Variants in DELE1 observed in about 807,000 individuals in gnomAD.
The protein encoded by DELE1 is death ligand signal enhancer.
Under a neutral mutation model 59.3 loss-of-function variants are expected in DELE1, and 54 were observed. The ratio of observed to expected loss-of-function variants is 0.91; its 90% CI spans 0.73 to 1.14. The LOEUF (loss-of-function observed/expected upper bound fraction) is 1.14, where lower values mean the gene tolerates loss of function less well. Among genes scored for constraint, DELE1 ranks in the 50% most tolerant of loss-of-function variants. The pLI is 0.00. For missense variants in DELE1, 636 were observed against 643.9 expected, an observed-to-expected ratio of 0.99 and a Z score of 0.13; for synonymous variants, 264 against 259.1, an observed-to-expected ratio of 1.02 and a Z score of -0.18.
At position 141,929,614 on chromosome 5, in the gene DELE1, G is replaced by A; in HGVS notation, c.445G>A (p.Gly149Ser). 1.2e-6 allele frequency: 2 copies of A among 1,614,078 alleles called. No homozygotes were observed. Among genetic ancestry groups the A allele is most frequent in the Non-Finnish European group, 1.7e-6 (2 of 1,180,032 alleles). The change falls in exon 5 of 12, where the codon GGC becomes AGC. Residue 149 changes from glycine to serine, a missense_variant. Coordinates refer to ENST00000432126, the MANE Select transcript of DELE1 (RefSeq NM_014773.5). ...LRQHILPSPD[G>S]PAPRHTGLRE... ...ACAACACATCCTCCCCAGCCCCGAT[G>A]GCCCAGCTCCCAGGCACACTGGCCT...
Position 141,940,711 on chromosome 5 carries a change from C to T in DELE1, c.*1952C>T. On this transcript the variant is annotated 3_prime_UTR_variant, in exon 12 of 12. Coordinates refer to ENST00000432126, the MANE Select transcript of DELE1 (RefSeq NM_014773.5). Reference sequence around the variant, plus strand: ...CACCACTGTTGGACCCTGCACATGGCCACCTTCCACAGATGGCACTCCTTG... The same window carrying T: ...CACCACTGTTGGACCCTGCACATGGTCACCTTCCACAGATGGCACTCCTTG... 1 of 972,870 alleles carries T rather than the reference C, an allele frequency of 1.0e-6. No individual in the cohort carries two copies. Among genetic ancestry groups the T allele is most frequent in the Non-Finnish European group, 1.2e-6 (1 of 818,442 alleles). 60.3% of individuals were successfully genotyped at this position (972,870 alleles called of 1,614,324 possible).
At position 141,939,918 on chromosome 5, in the gene DELE1, C is replaced by T. The variant is rs11542702; in HGVS notation, c.*1159C>T. On this transcript the variant is annotated 3_prime_UTR_variant, in exon 12 of 12. Transcript: ENST00000432126. ...CTCATGGTTGCATGACTTTATGAGT[C>T]GCTGGGCCAGGGTGAGGACCTGGGC... is the stretch of plus-strand genomic sequence containing the variant. 0.08 allele frequency: 62,017 copies of T among 772,180 alleles called. 2,722 individuals carry two copies. The highest frequency in any genetic ancestry group is 0.11 in the Middle Eastern group (168 of 1,532). The allele number at this position is 772,180 out of a possible 1,614,324, so 47.8% of individuals were successfully genotyped here. A position where few individuals can be genotyped will look rare whatever the true frequency, so the allele number is the denominator to read the frequency against.
intron 7 of DELE1, among the ~76,000 whole-genome samples, chr5:141,930,644 T>TA (rs1751830950): frequency 6.6e-6 from 1 of 152,208 alleles, no homozygotes; most frequent in African/African-American, 2.4e-5. Flanking sequence ...GGAGACTAGT[T>TA]ACTGTGTATG....
intron 7 of DELE1, among the ~76,000 whole-genome samples, chr5:141,930,704 G>C (rs1027436114): frequency 1.3e-5 from 2 of 152,194 alleles, no homozygotes; most frequent in Admixed American, 6.5e-5. Context: ...CCACACTTAG[G>C]AAAGAACAGG....
At chr5:141,933,550 C>T in intron 8 of DELE1, 149 bp downstream of exon 8, 1 of 495,782 alleles carries the variant, frequency 2.0e-6, no homozygotes, top group Non-Finnish European at 3.1e-6. Flanking sequence ...GAAAGAAGCT[C>T]CTAACTTCCA....
intron 10 of DELE1, chr5:141,936,861 T>G (rs925887902): frequency 8.1e-6 from 8 of 985,250 alleles, no homozygotes; most frequent in Non-Finnish European, 9.6e-6. Context: ...CAGGGCAACA[T>G]AGGAGCCCGA....
In DELE1 at chr5:141,930,035, C is replaced by T. The variant is rs138552747; in HGVS notation, c.618C>T (p.Ser206=). The T allele has an allele frequency of 3.3e-5, 54 of 1,614,026 alleles. No individual in the cohort carries two copies. The highest frequency in any genetic ancestry group is 5.3e-5 in the African/African-American group (4 of 74,886). The change falls in exon 6 of 12, where the codon TCC becomes TCT. Residue 206 remains serine (S), a synonymous_variant. Coordinates refer to ENST00000432126, the MANE Select transcript of DELE1 (RefSeq NM_014773.5). ...GFLHASSSIE[S]EAKPAQPQPT... is the part of the protein sequence containing the mutation. ...TGCATGCCAGTAGTAGCATCGAGTC[C>T]GAGGCAAAACCAGCCCAGCCTCAGC...
intron 3 of DELE1, among the ~76,000 whole-genome samples, chr5:141,926,656 A>G (rs1032186265): frequency 2.6e-5 from 4 of 152,182 alleles, no homozygotes; most frequent in Non-Finnish European, 4.4e-5. Flanking sequence ...TGGCTTTCTC[A>G]TCTGTAAATT....
intron 8 of DELE1, 76 bp downstream of exon 8, chr5:141,933,477 G>A (rs79478792): frequency 8.3e-7 from 1 of 1,197,696 alleles, no homozygotes; most frequent in Non-Finnish European, 1.1e-6. Flanking sequence ...AGTGGGCAGG[G>A]ATGGGGGAAA....
Position 141,941,229 on chromosome 5 carries a change from T to C in DELE1, c.*2470T>C. On this transcript the variant is annotated 3_prime_UTR_variant, in exon 12 of 12. Coordinates refer to ENST00000432126, the MANE Select transcript of DELE1 (RefSeq NM_014773.5). ...AGTCTGGCCACTGGGCGTCCTGTGG[T>C]GAAGGCCAGATGCAGCCCTCCCTGA... is the stretch of plus-strand genomic sequence containing the variant. 1.0e-5 allele frequency: 10 copies of C among 985,464 alleles called. No homozygotes were observed. The highest frequency in any genetic ancestry group is 1.2e-5 in the Non-Finnish European group (10 of 829,958). 61.0% of individuals were successfully genotyped at this position (985,464 alleles called of 1,614,324 possible). A position where few individuals can be genotyped will look rare whatever the true frequency, so the allele number is the denominator to read the frequency against.
In DELE1 at chr5:141,934,504, T is replaced by C. The variant is rs1292987643; in HGVS notation, c.1067T>C (p.Phe356Ser). 2.5e-6 allele frequency: 4 copies of C among 1,614,130 alleles called. No individual in the cohort carries two copies. Among genetic ancestry groups the C allele is most frequent in the Non-Finnish European group, 3.4e-6 (4 of 1,180,042 alleles). ...ADSGLREAQAFLGVLFTKEPY... is the reference protein window; with the variant it reads ...ADSGLREAQASLGVLFTKEPY... ...CCTCCTTGACCACAGGCCCAAGCTT[T>C]CCTCGGGGTGCTTTTCACCAAGGAG... Residue 356 changes from phenylalanine (F) to serine (S), a missense_variant, in exon 10 of 12, where the codon TTC (phenylalanine) becomes TCC (serine). Transcript: ENST00000432126.
chr5:141,934,166 T>C (rs1752169471), intron 8 of DELE1, 74 bp from the exon 9 acceptor site: 1 of 1,317,394 alleles, frequency 7.6e-7, no homozygotes, highest in South Asian at 1.8e-5. Flanking sequence ...TAAAATAATT[T>C]TTAAAAATTT....
In DELE1 at chr5:141,938,510, T is replaced by A. The variant is rs368973259; in HGVS notation, c.1310-11T>A. 9 of 1,612,684 alleles carry A rather than the reference T, an allele frequency of 5.6e-6. No individual in the cohort carries two copies. Among genetic ancestry groups the A allele is most frequent in the African/African-American group, 5.3e-5 (4 of 74,848 alleles). ...AGCAAGAGTAAGAGTTGCTCTCACC[T>A]CTTCTTGTAGCCCCGGGGCCCAGCG... On this transcript the variant is annotated splice_polypyrimidine_tract_variant and intron_variant, in intron 11 of 11. Transcript: ENST00000432126.
chr5:141,929,884 C>T, intron 5 of DELE1, 105 bp from the exon 6 acceptor site: 1 of 1,511,158 alleles, frequency 6.6e-7, no homozygotes, highest in Non-Finnish European at 9.2e-7. Context: ...ATTTCGGTTC[C>T]TGGCAAGGGT....
chr5:141,927,720 A>T (rs1485602838), intron 3 of DELE1, among the ~76,000 whole-genome samples: 1 of 151,870 alleles, frequency 6.6e-6, no homozygotes, highest in African/African-American at 2.4e-5. Flanking sequence ...CTAATGGGGA[A>T]CTCTGACCTG....
At position 141,925,500 on chromosome 5, in the gene DELE1, G is replaced by A. The variant is rs1170169957; in HGVS notation, c.237G>A (p.Pro79=). The part of the protein sequence containing the change: ...AFQWMSSRVS[P]NTLWDAISWG... ...AATGGATGTCTTCCCGTGTCTCCCC[G>A]AACACCCTATGGGATGCCATATCTT... The change falls in exon 3 of 12, where the codon CCG becomes CCA. Residue 79 remains proline (P), a synonymous_variant. Transcript: ENST00000432126. The A allele has an allele frequency of 1.4e-5, 22 of 1,601,660 alleles. No homozygotes were observed. The highest frequency in any genetic ancestry group is 1.4e-4 in the Admixed American group (8 of 58,272).
chr5:141,934,467 C>T, intron 9 of DELE1, 27 bp from the exon 10 acceptor site: 3 of 1,614,206 alleles, frequency 1.9e-6, no homozygotes, highest in South Asian at 2.2e-5. Flanking sequence ...ACCAAGATGC[C>T]TTCTTTTCCT....
Position 141,939,372 on chromosome 5 carries a change from C to CCAG in DELE1, c.*613_*614insCAG. On this transcript the variant is annotated 3_prime_UTR_variant, in exon 12 of 12. Coordinates refer to ENST00000432126, the MANE Select transcript of DELE1 (RefSeq NM_014773.5). ...ACAGATCCAGAGAGGTAGCAAAAATCACAGGGGTGGTTCCATGAATGGCTG... is the reference window on the plus strand; with the variant it reads ...ACAGATCCAGAGAGGTAGCAAAAATCCAGACAGGGGTGGTTCCATGAATGGCTG... 1.0e-6 allele frequency: 1 copy of CCAG among 975,216 alleles called. No homozygotes were observed. Among genetic ancestry groups the CCAG allele is most frequent in the African/African-American group, 1.8e-5 (1 of 57,020 alleles). The allele number at this position is 975,216 out of a possible 1,614,324, so 60.4% of individuals were successfully genotyped here. A position where few individuals can be genotyped will look rare whatever the true frequency, so the allele number is the denominator to read the frequency against.
chr5:141,937,491 A>T lies in DELE1; in HGVS notation c.1309+134A>T, dbSNP rs930376093. 8 of 1,056,056 alleles carry T rather than the reference A, an allele frequency of 7.6e-6. No homozygotes were observed. In the East Asian group the frequency reaches 2.0e-4, roughly 26 times the overall value. The allele number at this position is 1,056,056 out of a possible 1,614,324, so 65.4% of individuals were successfully genotyped here. ...GGTGGCTAAGAATGCAGCTTTTGGG[A>T]TGGGCACGGTGGCTCACGCCTGTAA... is the stretch of plus-strand genomic sequence containing the variant. On this transcript the variant is annotated intron_variant, in intron 11 of 11. Transcript: ENST00000432126.
Sources: gnomAD v4.1 joint callset for allele counts (sites outside exome capture counted in the v4.1 genomes callset) on GRCh38, gnomAD v4.1.1 for gene constraint, MANE v1.5 for transcripts, NCBI Gene and HGNC (gene_info 2026-07-23, HGNC 2026-07-21) for gene names.